Variants in ACYP2 observed in about 807,000 individuals in gnomAD.
The protein encoded by ACYP2 is acylphosphatase-2.
ACYP2 carries 12 observed loss-of-function variants against 11.2 expected under a neutral mutation model. The ratio of observed to expected loss-of-function variants is 1.08; its 90% CI spans 0.69 to 1.74. The LOEUF (loss-of-function observed/expected upper bound fraction) is 1.74. Among genes scored for constraint, ACYP2 ranks in the 40% most tolerant of loss-of-function variants. ACYP2 has a pLI of 0.00. For missense variants in ACYP2, 134 were observed against 101.9 expected (o/e 1.31, Z -1.35); for synonymous variants, 43 against 32.2 (o/e 1.33, Z -1.13).
At chr2:54,047,640 A>C (rs1168430562) in intron 2 of ACYP2, among the ~76,000 whole-genome samples, 1 of 152,194 alleles carries the variant, frequency 6.6e-6, no homozygotes. Flanking sequence ...AAATGGAAGC[A>C]TATTTTTCCT....
chr2:54,161,975 A>G (rs1682732054), intron 6 of ACYP2, among the ~76,000 whole-genome samples: 1 of 152,094 alleles, frequency 6.6e-6, no homozygotes, highest in South Asian at 2.1e-4. Flanking sequence ...TAAAAATTTT[A>G]TAATAAGTAT....
intron 2 of ACYP2, among the ~76,000 whole-genome samples, chr2:53,977,444 A>G (rs1003722778): frequency 3.9e-5 from 6 of 152,122 alleles, no homozygotes; most frequent in Admixed American, 2.0e-4. Flanking sequence ...CTGGGTAGAT[A>G]TTAAAACCCA....
chr2:54,208,037 C>T (rs1685155775), intron 6 of ACYP2, among the ~76,000 whole-genome samples: 1 of 152,158 alleles, frequency 6.6e-6, no homozygotes, highest in South Asian at 2.1e-4. Context: ...AATGTATTCT[C>T]TGGGTTATGG....
intron 6 of ACYP2, among the ~76,000 whole-genome samples, chr2:54,167,724 G>C (rs950104244): frequency 6.6e-6 from 1 of 152,098 alleles, no homozygotes; most frequent in Non-Finnish European, 1.5e-5. Context: ...GAAGTATTTG[G>C]GTGAAATGTT....
chr2:54,088,398 G>C (rs1305286649), intron 4 of ACYP2, among the ~76,000 whole-genome samples: 2 of 152,136 alleles, frequency 1.3e-5, no homozygotes, highest in Admixed American at 6.5e-5. Context: ...GCAATGAAAG[G>C]GGCCCCACAG....
At chr2:54,188,076 G>C (rs1349741957) in intron 6 of ACYP2, among the ~76,000 whole-genome samples, 1 of 152,154 alleles carries the variant, frequency 6.6e-6, no homozygotes, top group Non-Finnish European at 1.5e-5. Flanking sequence ...CCAGAACTGT[G>C]AGAGAAATTA....
Position 54,115,774 on chromosome 2 carries a change from G to T in ACYP2, c.278-19679G>T. 1 of 1,588,104 alleles carries T rather than the reference G, an allele frequency of 6.3e-7. No individual in the cohort carries two copies. Among genetic ancestry groups the T allele is most frequent in the Non-Finnish European group, 8.6e-7 (1 of 1,167,900 alleles). ...AGTGCAGGGTAGGAGGCCCCTCTAC[G>T]GTGGGAGATCAAAAAGGTTATGGGA... On this transcript the variant is annotated intron_variant, in intron 4 of 6. Coordinates refer to ENST00000607452, the MANE Select transcript of ACYP2 (RefSeq NM_001320586.2).
At position 54,219,807 on chromosome 2, in the gene ACYP2, G is replaced by A. The variant is rs1331123046; in HGVS notation, c.404+81059G>A. Among the ~76,000 whole-genome samples, 8 of 139,010 alleles carry A rather than the reference G, an allele frequency of 5.8e-5. No homozygotes were observed. In the South Asian group the frequency reaches 6.6e-4, roughly 11 times the overall value. 91.2% of individuals were successfully genotyped at this position (139,010 alleles called of 152,430 possible). ...CTAATTTTTATGTGTGTGTGTGTGT[G>A]TGTTTGTGTATGTGTGTGTGTATAT... On this transcript the variant is annotated intron_variant, in intron 6 of 6. Coordinates refer to ENST00000607452, the MANE Select transcript of ACYP2 (RefSeq NM_001320586.2).
At chr2:54,062,961 A>G (rs1390060028) in intron 4 of ACYP2, among the ~76,000 whole-genome samples, 1 of 152,198 alleles carries the variant, frequency 6.6e-6, no homozygotes, top group African/African-American at 2.4e-5. Context: ...AAAGCACAAT[A>G]TCCCATATTC....
At chr2:54,205,986 A>G (rs1205630496) in intron 6 of ACYP2, among the ~76,000 whole-genome samples, 4 of 152,148 alleles carry the variant, frequency 2.6e-5, no homozygotes, top group African/African-American at 9.7e-5. Flanking sequence ...AATAATTCCT[A>G]TATTTATCAT....
At chr2:54,240,547 T>C (rs1400726810) in intron 6 of ACYP2, among the ~76,000 whole-genome samples, 1 of 152,196 alleles carries the variant, frequency 6.6e-6, no homozygotes, top group Admixed American at 6.5e-5. Context: ...ATATCAATAA[T>C]TTCTCATTCT....
intron 2 of ACYP2, among the ~76,000 whole-genome samples, chr2:54,030,366 CAGGTT>C (rs1674519597): frequency 6.6e-6 from 1 of 152,200 alleles, no homozygotes; most frequent in South Asian, 2.1e-4. Flanking sequence ...TGGTTTGCTC[CAGGTT>C]AGGGAGAAGC....
chr2:54,299,961 T>C (rs1024155765), intron 6 of ACYP2, among the ~76,000 whole-genome samples: 1 of 152,204 alleles, frequency 6.6e-6, no homozygotes, highest in African/African-American at 2.4e-5. Flanking sequence ...TTAGTGATTA[T>C]TACACCTTTT....
At chr2:53,975,334 G>C (rs1671418109) in intron 2 of ACYP2, 1 of 398,204 alleles carries the variant, frequency 2.5e-6, no homozygotes, top group South Asian at 1.3e-4. Flanking sequence ...GCAAAATAAG[G>C]TCTCTTCCTC....
At chr2:54,195,158 C>T (rs1046153675) in intron 6 of ACYP2, among the ~76,000 whole-genome samples, 1 of 152,136 alleles carries the variant, frequency 6.6e-6, no homozygotes, top group African/African-American at 2.4e-5. Flanking sequence ...CTTCTGTTGG[C>T]CTCATTAGCT....
At chr2:54,095,707 G>A (rs1678512125) in intron 4 of ACYP2, among the ~76,000 whole-genome samples, 1 of 127,310 alleles carries the variant, frequency 7.9e-6, no homozygotes, top group Non-Finnish European at 1.7e-5. Flanking sequence ...GCCGGGCAGA[G>A]GGGCTCCTCA....
chr2:54,077,828 G>A (rs1314862604), intron 4 of ACYP2, among the ~76,000 whole-genome samples: 1 of 152,132 alleles, frequency 6.6e-6, no homozygotes, highest in East Asian at 1.9e-4. Flanking sequence ...TCTGTGTCCT[G>A]GCCTAGTGCT....
At chr2:54,097,455 T>C (rs993514303) in intron 4 of ACYP2, among the ~76,000 whole-genome samples, 2 of 152,246 alleles carry the variant, frequency 1.3e-5, no homozygotes, top group African/African-American at 4.8e-5. Flanking sequence ...CCCCAAATCC[T>C]ATCCCATTCC....
intron 4 of ACYP2, among the ~76,000 whole-genome samples, chr2:54,128,633 C>G (rs1680688703): frequency 6.6e-6 from 1 of 152,160 alleles, no homozygotes; most frequent in African/African-American, 2.4e-5. Flanking sequence ...CACCACTGCA[C>G]TCCAGCCTGG....
Sources: gnomAD v4.1 joint callset for allele counts (sites outside exome capture counted in the v4.1 genomes callset) on GRCh38, gnomAD v4.1.1 for gene constraint, MANE v1.5 for transcripts, NCBI Gene and HGNC (gene_info 2026-07-23, HGNC 2026-07-21) for gene names.